The following CDYL variants were observed in gnomAD, a reference collection of about 807,000 sequenced individuals.
The protein encoded by CDYL is chromodomain Y-like protein.
Under a neutral mutation model 47.3 loss-of-function variants are expected in CDYL, and 8 were observed. The ratio of observed to expected loss-of-function variants is 0.17; its 90% CI spans 0.10 to 0.31. The LOEUF (loss-of-function observed/expected upper bound fraction) is 0.31, where lower values mean the gene tolerates loss of function less well. Ranked by LOEUF, CDYL falls within the 10% of genes least tolerant of loss-of-function variation. The probability of loss-of-function intolerance (pLI) is 1.00; values close to 1 mark genes in which losing one functional copy is unlikely to be tolerated. For missense variants in CDYL, 471 were observed against 701.4 expected, an observed-to-expected ratio of 0.67 and a Z score of 3.71; for synonymous variants, 266 against 265.0, an observed-to-expected ratio of 1.00 and a Z score of -0.04.
intron 3 of CDYL, among the ~76,000 whole-genome samples, chr6:4,738,897 C>G (rs1476318421): frequency 6.6e-6 from 1 of 152,214 alleles, no homozygotes; most frequent in African/African-American, 2.4e-5. Flanking sequence ...CGCAGCGGCT[C>G]ACGCCTGTAA....
At chr6:4,907,344 G>A (rs1003054877) in intron 2 of CDYL, among the ~76,000 whole-genome samples, 3 of 152,192 alleles carry the variant, frequency 2.0e-5, no homozygotes, top group African/African-American at 7.2e-5. Context: ...CAGCTTTTTT[G>A]TGGGTTTTTG....
At chr6:4,709,476 G>A (rs977714125) in intron 1 of CDYL, among the ~76,000 whole-genome samples, 14 of 152,100 alleles carry the variant, frequency 9.2e-5, no homozygotes, top group South Asian at 2.1e-4. Flanking sequence ...GATTACAGGC[G>A]TGAGCCATTG....
intron 3 of CDYL, among the ~76,000 whole-genome samples, chr6:4,752,883 T>TGTAG (rs1758018640): frequency 6.8e-6 from 1 of 147,024 alleles, no homozygotes; most frequent in South Asian, 2.1e-4. Context: ...TAGGTAGGTA[T>TGTAG]GTAGGTAGGT....
chr6:4,906,102 G>A (rs771952551), intron 2 of CDYL, among the ~76,000 whole-genome samples: 5 of 152,326 alleles, frequency 3.3e-5, no homozygotes, highest in African/African-American at 4.8e-5. Context: ...AATGGTGAGA[G>A]GGTTGTACAT....
rs190387061 is a variant in CDYL, at chr6:4,819,280, A to G, written c.24+42473A>G. On this transcript the variant is annotated intron_variant, in intron 1 of 6. Coordinates refer to ENST00000397588, the MANE Select transcript of CDYL (RefSeq NM_004824.4). ...TATAAATCATTAAAGTCTTACTTGT[A>G]TGTTGAAATTTGGGGATACTTTATT... 3.9e-5 allele frequency among the ~76,000 whole-genome samples: 6 copies of G among 152,142 alleles called. No homozygotes were observed. The East Asian group carries it at 9.7e-4, about 25-fold the overall frequency.
chr6:4,809,124 G>A (rs1057124734), intron 1 of CDYL, among the ~76,000 whole-genome samples: 1 of 151,860 alleles, frequency 6.6e-6, no homozygotes, highest in Non-Finnish European at 1.5e-5. Context: ...TGTATGTTTT[G>A]TGCAAATCAA....
intron 2 of CDYL, among the ~76,000 whole-genome samples, chr6:4,905,374 G>A (rs1561700675): frequency 6.6e-6 from 1 of 152,202 alleles, no homozygotes. Context: ...GTGGGTGCCT[G>A]CCTCTCCTCC....
intron 1 of CDYL, among the ~76,000 whole-genome samples, chr6:4,836,952 T>C (rs1015246117): frequency 6.6e-6 from 1 of 152,146 alleles, no homozygotes; most frequent in Non-Finnish European, 1.5e-5. Context: ...GGTGCAGGTA[T>C]GTGTGTCTGC....
At chr6:4,876,614 A>G (rs1460630130) in intron 1 of CDYL, among the ~76,000 whole-genome samples, 1 of 152,194 alleles carries the variant, frequency 6.6e-6, no homozygotes, top group Admixed American at 6.5e-5. Flanking sequence ...GATAAGTAAA[A>G]TATTCAGCAC....
upstream of CDYL, among the ~76,000 whole-genome samples, chr6:4,775,058 A>G (rs1758400594): frequency 6.6e-6 from 1 of 152,174 alleles, no homozygotes; most frequent in Non-Finnish European, 1.5e-5. The surrounding 1 kb of genome is among the most constrained non-coding windows in gnomAD (Gnocchi z 7.0). Context: ...TGGGGGGCAC[A>G]AACGAATAGG....
At chr6:4,743,945 G>A (rs896552085) in intron 3 of CDYL, among the ~76,000 whole-genome samples, 1 of 152,214 alleles carries the variant, frequency 6.6e-6, no homozygotes, top group Non-Finnish European at 1.5e-5. Context: ...TGTGATAACA[G>A]CTCCTTTTCC....
chr6:4,839,646 A>G (rs145337730), intron 1 of CDYL, among the ~76,000 whole-genome samples: 330 of 152,286 alleles, frequency 2.2e-3, no homozygotes, highest in African/African-American at 7.5e-3. Context: ...TGGCTTGCCA[A>G]TTATCCCAGC....
intron 1 of CDYL, among the ~76,000 whole-genome samples, chr6:4,785,842 A>C (rs963975404): frequency 2.6e-5 from 4 of 152,216 alleles, no homozygotes; most frequent in African/African-American, 9.7e-5. Context: ...AGGCAGGTGA[A>C]TTGACGTTAA....
intron 2 of CDYL, among the ~76,000 whole-genome samples, chr6:4,732,089 C>T (rs1165520416): frequency 6.6e-6 from 1 of 152,100 alleles, no homozygotes; most frequent in Non-Finnish European, 1.5e-5. Flanking sequence ...AATCCCAGCA[C>T]TCTGGGAGGC....
intron 1 of CDYL, among the ~76,000 whole-genome samples, chr6:4,846,171 G>C (rs140275188): frequency 6.7e-6 from 1 of 150,180 alleles, no homozygotes; most frequent in East Asian, 1.9e-4. Flanking sequence ...TTGTCTTTGG[G>C]TACTGCCTTC....
intron 1 of CDYL, chr6:4,714,679 A>C (rs1340713883): frequency 1.3e-5 from 2 of 152,188 alleles, no homozygotes; most frequent in Non-Finnish European, 2.9e-5. Context: ...TTTGATCCCA[A>C]GTTAAATTGT....
chr6:4,722,159 ATAT>A (rs1368550317), intron 2 of CDYL, among the ~76,000 whole-genome samples: 1 of 152,134 alleles, frequency 6.6e-6, no homozygotes, highest in African/African-American at 2.4e-5. Flanking sequence ...GGCCAGAGAA[ATAT>A]TTTTTAATAA....
intron 1 of CDYL, among the ~76,000 whole-genome samples, chr6:4,825,192 C>G (rs1025586944): frequency 2.0e-5 from 3 of 152,024 alleles, no homozygotes; most frequent in Non-Finnish European, 4.4e-5. Flanking sequence ...TTTTGATAGG[C>G]CTTGCATGAA....
chr6:4,937,850 A>G (rs1758245015), intron 4 of CDYL, 113 bp downstream of exon 4: 5 of 743,558 alleles, frequency 6.7e-6, no homozygotes, highest in Non-Finnish European at 1.1e-5. Flanking sequence ...ATCTTCTCCC[A>G]TGGAGAGACA....
Sources: allele counts gnomAD v4.1 joint callset (sites outside exome capture counted in the v4.1 genomes callset), GRCh38; gene constraint gnomAD v4.1.1; non-coding constraint Gnocchi (gnomAD v3.1); transcripts MANE v1.5; gene names NCBI Gene and HGNC (gene_info 2026-07-23, HGNC 2026-07-21).